Variants in ETFA observed in about 807,000 individuals in gnomAD.
ETFA encodes the protein electron transfer flavoprotein subunit alpha, mitochondrial.
In ETFA, 22 loss-of-function variants were observed where a neutral mutation model predicts 46.2. The ratio of observed to expected loss-of-function variants is 0.48; its 90% confidence interval spans 0.34 to 0.68. The LOEUF (loss-of-function observed/expected upper bound fraction) is 0.68, where lower values mean the gene tolerates loss of function less well. Among genes scored for constraint, ETFA ranks in the 30% least tolerant of loss-of-function variants. The pLI is 0.01. For synonymous variants in ETFA, 131 were observed against 139.9 expected, an observed-to-expected ratio of 0.94 and a Z score of 0.45; for missense variants, 345 against 401.1, an observed-to-expected ratio of 0.86 and a Z score of 1.19.
chr15:76,304,371 T>C (rs553423968), intron 1 of ETFA, among the ~76,000 whole-genome samples: 1 of 152,294 alleles, frequency 6.6e-6, no homozygotes, highest in Non-Finnish European at 1.5e-5. Flanking sequence ...CAAAATAATC[T>C]GTACATCAAA....
In ETFA at chr15:76,297,194, T is replaced by C. The variant is rs540566954; in HGVS notation, c.40-1457A>G. On this transcript the variant is annotated intron_variant, in intron 1 of 11. Coordinates refer to ENST00000557943, the MANE Select transcript of ETFA (RefSeq NM_000126.4). ...AGGGAAGTCAGGACAGTTCCTGGAA[T>C]GAAATGAAAGTTCTTAGAAAGCAAA... Among the ~76,000 whole-genome samples the C allele has an allele frequency of 1.5e-4, 23 of 152,266 alleles. No individual in the cohort carries two copies. The South Asian group carries it at 4.8e-3, about 32-fold the overall frequency.
chr15:76,233,962 TAATATA>T (rs1283131078), intron 9 of ETFA, among the ~76,000 whole-genome samples: 1 of 151,994 alleles, frequency 6.6e-6, no homozygotes, highest in Non-Finnish European at 1.5e-5. Context: ...AACATAAACA[TAATATA>T]AATGAAATTA....
chr15:76,279,768 G>T (rs1173270527), intron 8 of ETFA, among the ~76,000 whole-genome samples: 1 of 151,976 alleles, frequency 6.6e-6, no homozygotes, highest in East Asian at 1.9e-4. Context: ...CTCCACTTGG[G>T]TTCCAAAACA....
At chr15:76,293,522 T>A (rs1368363696) in intron 2 of ETFA, among the ~76,000 whole-genome samples, 1 of 152,258 alleles carries the variant, frequency 6.6e-6, no homozygotes, top group Non-Finnish European at 1.5e-5. Context: ...AATGGGGTTC[T>A]GAGAAAGCTT....
chr15:76,284,519 T>TC (rs987546869), intron 7 of ETFA: 3 of 190,058 alleles, frequency 1.6e-5, no homozygotes, highest in Non-Finnish European at 3.1e-5. Context: ...AGGAGGAGTT[T>TC]CACTCTTGTT....
chr15:76,293,878 C>G (rs1246539297), intron 2 of ETFA, among the ~76,000 whole-genome samples: 1 of 152,234 alleles, frequency 6.6e-6, no homozygotes, highest in Non-Finnish European at 1.5e-5. Context: ...GCTTCTCAAA[C>G]TTTAAGAGAA....
At chr15:76,293,868 G>C (rs532522963) in intron 2 of ETFA, among the ~76,000 whole-genome samples, 1 of 152,358 alleles carries the variant, frequency 6.6e-6, no homozygotes, top group South Asian at 2.1e-4. Context: ...GCTGCATTTA[G>C]CTTCTCAAAC....
chr15:76,216,840 C>CTTTTTT lies in ETFA; in HGVS notation c.964-249_964-244dup, dbSNP rs373144812. On this transcript the variant is annotated intron_variant, in intron 11 of 11. Transcript: ENST00000557943. ...CACTCATTGCCTAGGTGCCTTTTGC[C>CTTTTTT]TTTTTTTTTTTTTTTTTTTTTTTGA... is the stretch of plus-strand genomic sequence containing the variant. Among the ~76,000 whole-genome samples, 267 of 89,276 alleles carry CTTTTTT rather than the reference C, an allele frequency of 3.0e-3. 7 individuals are homozygous for CTTTTTT. The highest frequency in any genetic ancestry group is 3.5e-3 in the African/African-American group (74 of 21,402). 58.6% of individuals were successfully genotyped at this position (89,276 alleles called of 152,430 possible).
At chr15:76,264,520 C>G (rs1245869193) in intron 9 of ETFA, among the ~76,000 whole-genome samples, 1 of 152,154 alleles carries the variant, frequency 6.6e-6, no homozygotes, top group African/African-American at 2.4e-5. Flanking sequence ...TGACAAGGAC[C>G]TAAAGAACCA....
chr15:76,246,133 G>A (rs572480889), intron 9 of ETFA, among the ~76,000 whole-genome samples: 3 of 152,164 alleles, frequency 2.0e-5, no homozygotes, highest in Non-Finnish European at 4.4e-5. Flanking sequence ...GTTTTTAAGT[G>A]TTATATAAAT....
At position 76,215,803 on chromosome 15, in the gene ETFA, T is replaced by TTTTTA. The variant is rs1447990283; in HGVS notation, c.*755_*756insTAAAA. ...AGGCTAGAGCATTCTCTGCACAGGA[T>TTTTTA]TTTGAATGTTTATAATAACATCAAA... is the stretch of plus-strand genomic sequence containing the variant. On this transcript the variant is annotated 3_prime_UTR_variant, in exon 12 of 12. Coordinates refer to ENST00000557943, the MANE Select transcript of ETFA (RefSeq NM_000126.4). 1.3e-5 allele frequency: 2 copies of TTTTTA among 152,280 alleles called. No homozygotes were observed. The highest frequency in any genetic ancestry group is 1.3e-4 in the Admixed American group (2 of 15,286). 9.4% of individuals were successfully genotyped at this position (152,280 alleles called of 1,614,324 possible).
At chr15:76,256,262 G>GA (rs59670988) in intron 9 of ETFA, among the ~76,000 whole-genome samples, 10,456 of 95,498 alleles carry the variant, frequency 0.11, 636 homozygotes, top group Middle Eastern at 0.16. Flanking sequence ...CCGTCTCAAG[G>GA]AAAAAAAAAA....
chr15:76,276,021 C>G (rs537373526), intron 8 of ETFA, among the ~76,000 whole-genome samples: 3 of 152,058 alleles, frequency 2.0e-5, no homozygotes, highest in Non-Finnish European at 4.4e-5. Context: ...AAAAATAAAA[C>G]TTATTTTACC....
chr15:76,251,491 A>G (rs1241981142), intron 9 of ETFA, among the ~76,000 whole-genome samples: 3 of 152,226 alleles, frequency 2.0e-5, no homozygotes, highest in African/African-American at 4.8e-5. Flanking sequence ...AATAGACGAC[A>G]AAAATCAGAA....
chr15:76,235,861 T>C (rs1409502467), intron 9 of ETFA, among the ~76,000 whole-genome samples: 4 of 152,240 alleles, frequency 2.6e-5, no homozygotes, highest in African/African-American at 7.2e-5. Flanking sequence ...TTTTGCCATC[T>C]ATCCCCATCT....
At chr15:76,278,591 A>G (rs1481106438) in intron 8 of ETFA, among the ~76,000 whole-genome samples, 1 of 152,148 alleles carries the variant, frequency 6.6e-6, no homozygotes, top group Non-Finnish European at 1.5e-5. Context: ...CCTCTAAATA[A>G]ATAAACCTTA....
chr15:76,231,119 C>T, intron 10 of ETFA: 1 of 530,580 alleles, frequency 1.9e-6, no homozygotes, highest in Non-Finnish European at 3.4e-6. Context: ...GGAGCTATAA[C>T]TCAGGTTCAG....
At chr15:76,311,309 G>T (rs778769975) in intron 1 of ETFA, 41 bp downstream of exon 1, 7 of 1,547,554 alleles carry the variant, frequency 4.5e-6, no homozygotes, top group Non-Finnish European at 6.1e-6. Context: ...GCGGGTTGAC[G>T]GGGGGCCGTC....
intron 8 of ETFA, among the ~76,000 whole-genome samples, chr15:76,279,412 G>A (rs2039626273): frequency 6.6e-6 from 1 of 152,098 alleles, no homozygotes; most frequent in African/African-American, 2.4e-5. Flanking sequence ...AAGCAGCTGG[G>A]ACCACAGGTG....
Sources: gnomAD v4.1 joint callset for allele counts (sites outside exome capture counted in the v4.1 genomes callset) on GRCh38, gnomAD v4.1.1 for gene constraint, MANE v1.5 for transcripts, NCBI Gene and HGNC (gene_info 2026-07-23, HGNC 2026-07-21) for gene names.